The following HEATR5B variants were observed in gnomAD, a reference collection of about 807,000 sequenced individuals.
HEATR5B encodes HEAT repeat-containing protein 5B.
Under a neutral mutation model 224.1 loss-of-function variants are expected in HEATR5B, and 156 were observed. The ratio of observed to expected loss-of-function variants is 0.70; its 90% confidence interval spans 0.61 to 0.80. The LOEUF (loss-of-function observed/expected upper bound fraction) is 0.80, where lower values mean the gene tolerates loss of function less well. Ranked by LOEUF, HEATR5B falls within the 30% of genes least tolerant of loss-of-function variation. The pLI is 0.00. For missense variants in HEATR5B, 2,323 were observed against 2,535.5 expected, an observed-to-expected ratio of 0.92 and a Z score of 1.80; for synonymous variants, 1,027 against 893.0, an observed-to-expected ratio of 1.15 and a Z score of -2.68.
intron 22 of HEATR5B, among the ~76,000 whole-genome samples, chr2:37,029,905 C>G (rs868126640): frequency 1.3e-4 from 20 of 150,826 alleles, no homozygotes; most frequent in Non-Finnish European, 2.7e-4. Flanking sequence ...TGCCACTACA[C>G]TCCAGCTGGG....
intron 27 of HEATR5B, among the ~76,000 whole-genome samples, chr2:37,012,863 G>A (rs553387784): frequency 6.6e-6 from 1 of 152,290 alleles, no homozygotes; most frequent in African/African-American, 2.4e-5. Flanking sequence ...CTACTTCTGA[G>A]CCTCCAGCCT....
chr2:37,059,929 G>A (rs1043276229), intron 12 of HEATR5B, among the ~76,000 whole-genome samples: 2 of 152,058 alleles, frequency 1.3e-5, no homozygotes, highest in East Asian at 1.9e-4. Flanking sequence ...CCCTTGCCTG[G>A]CTGCCCTTGT....
chr2:36,995,843 T>C (rs1666665085), intron 33 of HEATR5B, among the ~76,000 whole-genome samples: 1 of 152,192 alleles, frequency 6.6e-6, no homozygotes, highest in Non-Finnish European at 1.5e-5. Context: ...TAATAGGTGA[T>C]AAATAACCTT....
intron 22 of HEATR5B, among the ~76,000 whole-genome samples, chr2:37,029,484 C>A (rs1021936512): frequency 6.6e-6 from 1 of 150,714 alleles, no homozygotes; most frequent in Non-Finnish European, 1.5e-5. Flanking sequence ...GCCAACATGG[C>A]GAAACCCCGT....
At chr2:37,060,812 C>T in intron 11 of HEATR5B, 79 bp from the exon 12 acceptor site, 4 of 1,189,260 alleles carry the variant, frequency 3.4e-6, no homozygotes, top group Non-Finnish European at 3.6e-6. Flanking sequence ...ATGAGCCCAA[C>T]ACAAACTTTA....
intron 33 of HEATR5B, among the ~76,000 whole-genome samples, chr2:36,997,052 G>T (rs1666767401): frequency 6.6e-6 from 1 of 152,120 alleles, no homozygotes. Flanking sequence ...GTGAGTAAGT[G>T]AATTTTTTCT....
rs780930168 is a variant in HEATR5B, at chr2:37,056,511, G to A, written c.2328C>T (p.Leu776=). ...CAGAAGCATCAATGACTGAGACTCC[G>A]AGAGGGAGGGGACCAGGTACTGCTT... ...AGEAVPGPLP[L]GVSVIDASVA... The change falls in exon 16 of 36, where the codon CTC becomes CTT. Residue 776 remains leucine (L), a synonymous_variant. Coordinates refer to ENST00000233099, the MANE Select transcript of HEATR5B (RefSeq NM_019024.3). 1.3e-5 allele frequency: 21 copies of A among 1,613,104 alleles called. No individual in the cohort carries two copies. The African/African-American group carries it at 1.6e-4, about 12-fold the overall frequency.
intron 28 of HEATR5B, 69 bp from the exon 29 acceptor site, chr2:37,007,373 TCG>T: frequency 7.0e-7 from 1 of 1,424,350 alleles, no homozygotes; most frequent in Non-Finnish European, 9.2e-7. Flanking sequence ...AGACCAAGTC[TCG>T]TTCTGTCGCC....
intron 18 of HEATR5B, among the ~76,000 whole-genome samples, chr2:37,045,391 C>T (rs1387928113): frequency 6.6e-6 from 1 of 152,088 alleles, no homozygotes; most frequent in African/African-American, 2.4e-5. Context: ...TACTAAGAAT[C>T]AGTTTGATTT....
At chr2:36,993,691 T>C (rs527609892) in intron 33 of HEATR5B, among the ~76,000 whole-genome samples, 1 of 152,262 alleles carries the variant, frequency 6.6e-6, no homozygotes, top group African/African-American at 2.4e-5. Context: ...TTAACAAAGT[T>C]ATTAAAGTTA....
At chr2:36,990,523 C>A in intron 34 of HEATR5B, 125 bp downstream of exon 34, 1 of 804,268 alleles carries the variant, frequency 1.2e-6, no homozygotes, top group Non-Finnish European at 1.9e-6. Flanking sequence ...TCAGTTTTTC[C>A]ATTTAAAAGC....
chr2:37,044,976 G>C (rs191845721), intron 18 of HEATR5B, among the ~76,000 whole-genome samples: 3 of 152,264 alleles, frequency 2.0e-5, no homozygotes, highest in African/African-American at 7.2e-5. Flanking sequence ...ACAGCTGACT[G>C]ACCTGTTCTT....
intron 33 of HEATR5B, among the ~76,000 whole-genome samples, chr2:36,995,147 TG>T (rs986486743): frequency 2.1e-5 from 3 of 142,898 alleles, no homozygotes; most frequent in African/African-American, 8.1e-5. Flanking sequence ...TGGGATGCAG[TG>T]GCTTGATCTC....
rs1358548420 is a variant in HEATR5B at position 37,020,814 on chromosome 2, G to A, written c.3876C>T (p.Leu1292=). Residue 1292 remains leucine (L), a synonymous_variant, in exon 25 of 36, where the codon CTC becomes CTT. Transcript: ENST00000233099. Reference sequence around the variant, plus strand: ...TGAATGCCATGCGAATGAGGTCAGAGAGATGAAGTACCAAGAGGTCATCTA... The same window carrying A: ...TGAATGCCATGCGAATGAGGTCAGAAAGATGAAGTACCAAGAGGTCATCTA... ...NPTNDLLVLH[L]SDLIRMAFMA... is the part of the protein sequence containing the mutation. 6 of 1,565,918 alleles carry A rather than the reference G, an allele frequency of 3.8e-6. No homozygotes were observed. Among genetic ancestry groups the A allele is most frequent in the African/African-American group, 2.8e-5 (2 of 72,296 alleles).
intron 30 of HEATR5B, among the ~76,000 whole-genome samples, chr2:37,004,092 T>C (rs1000553859): frequency 6.6e-6 from 1 of 152,146 alleles, no homozygotes; most frequent in African/African-American, 2.4e-5. Flanking sequence ...CCTCTTCTAT[T>C]CACTTCAGCA....
chr2:37,030,712 G>T (rs918096055), intron 22 of HEATR5B, among the ~76,000 whole-genome samples: 6 of 152,302 alleles, frequency 3.9e-5, no homozygotes, highest in South Asian at 4.1e-4. Flanking sequence ...GCTATTTTAT[G>T]ATTATAGTAA....
rs1379275391 is a variant in HEATR5B, at chr2:37,005,619, C to A, written c.4905+13G>T. 3.1e-6 allele frequency: 5 copies of A among 1,611,754 alleles called. No homozygotes were observed. In the African/African-American group the frequency reaches 4.0e-5, roughly 13 times the overall value. ...AAAACCACACAAGTATCTATCATAGCAATACACTGTACCTGATCTTCTGCA... is the reference window on the plus strand; with the variant it reads ...AAAACCACACAAGTATCTATCATAGAAATACACTGTACCTGATCTTCTGCA... On this transcript the variant is annotated intron_variant, in intron 30 of 35. Coordinates refer to ENST00000233099, the MANE Select transcript of HEATR5B (RefSeq NM_019024.3).
At position 36,981,665 on chromosome 2, in the gene HEATR5B, C is replaced by G; in HGVS notation, c.6041G>C (p.Gly2014Ala). The G allele has an allele frequency of 6.2e-7, 1 of 1,613,994 alleles. No homozygotes were observed. Among genetic ancestry groups the G allele is most frequent in the Non-Finnish European group, 8.5e-7 (1 of 1,179,998 alleles). The change falls in exon 36 of 36, where the codon GGA (glycine) becomes GCA (alanine). Residue 2014 changes from glycine (G) to alanine (A), a missense_variant. Physicochemically the swap from Gly to Ala is moderately conservative, Grantham distance 60 (BLOSUM62 0). This residue lies in a region of HEATR5B where 844 missense variants were observed against 812.9 expected (regional missense o/e 1.04). Transcript: ENST00000233099. ...CTTGAAAGCATGTGGATACAGAGGTCCAATATGCATTAAATTCTGGAGTGC... is the reference window on the plus strand; with the variant it reads ...CTTGAAAGCATGTGGATACAGAGGTGCAATATGCATTAAATTCTGGAGTGC... ...EFALQNLMHI[G>A]PLYPHAFKTV...
chr2:37,022,321 G>T (rs540270472), intron 24 of HEATR5B, among the ~76,000 whole-genome samples: 1 of 152,198 alleles, frequency 6.6e-6, no homozygotes, highest in South Asian at 2.1e-4. Context: ...TGGGATTACA[G>T]GCACCCACCA....
Sources: gnomAD v4.1 joint callset for allele counts (sites outside exome capture counted in the v4.1 genomes callset) on GRCh38, gnomAD v4.1.1 for gene constraint, gnomAD v4.1.1 regional missense constraint, MANE v1.5 for transcripts, NCBI Gene and HGNC (gene_info 2026-07-23, HGNC 2026-07-21) for gene names.